DDX55: variants seen among roughly 807,000 people sequenced by gnomAD.
The protein encoded by DDX55 is ATP-dependent RNA helicase DDX55.
DDX55 carries 56 observed loss-of-function variants against 69.2 expected under a neutral mutation model. The observed-to-expected ratio is 0.81, with a 90% CI of 0.65 to 1.01. The LOEUF is 1.01. Among genes scored for constraint, DDX55 ranks in the 50% least tolerant of loss-of-function variants. The pLI, the probability that DDX55 is intolerant of heterozygous loss-of-function variation, is 0.00. For missense variants in DDX55, 720 were observed against 745.1 expected (o/e 0.97, Z 0.39); for synonymous variants, 268 against 273.1 (o/e 0.98, Z 0.18).
intron 11 of DDX55, chr12:123,618,360 C>T: frequency 3.0e-6 from 2 of 672,488 alleles, no homozygotes; most frequent in Non-Finnish European, 2.6e-6. Context: ...ATGGAGTGAC[C>T]AAGTCTCCTG....
intron 5 of DDX55, chr12:123,608,071 C>G (rs964009129): frequency 2.1e-5 from 5 of 239,096 alleles, no homozygotes; most frequent in Admixed American, 1.0e-4. Flanking sequence ...GATTTTTTAA[C>G]TGTTGGCGTG....
rs755500891 is a variant in DDX55, at chr12:123,602,118, A to C, written c.-31A>C. 1.3e-6 allele frequency: 2 copies of C among 1,530,426 alleles called. No individual in the cohort carries two copies. Among genetic ancestry groups the C allele is most frequent in the East Asian group, 2.5e-5 (1 of 40,428 alleles). 94.8% of individuals were successfully genotyped at this position (1,530,426 alleles called of 1,614,324 possible). On this transcript the variant is annotated 5_prime_UTR_variant, in exon 1 of 14. Coordinates refer to ENST00000238146, the MANE Select transcript of DDX55 (RefSeq NM_020936.3). ...GGGGGTGCACAAGGCGCGTTCGAGC[A>C]GCGGCGACCGACGCGGCGAAGGAGC...
intron 9 of DDX55, among the ~76,000 whole-genome samples, chr12:123,615,878 AG>A (rs1401074790): frequency 1.3e-5 from 2 of 152,324 alleles, no homozygotes; most frequent in African/African-American, 4.8e-5. Flanking sequence ...GCTACTCCAG[AG>A]GCTGAGGCAG....
At chr12:123,606,977 T>G (rs553301832) in intron 3 of DDX55, among the ~76,000 whole-genome samples, 1 of 152,318 alleles carries the variant, frequency 6.6e-6, no homozygotes, top group South Asian at 2.1e-4. Flanking sequence ...GGTTATGACG[T>G]GCAGAGAAAA....
In DDX55 at chr12:123,618,653, A is replaced by G. The variant is rs781577997; in HGVS notation, c.1165-16A>G. Reference sequence around the variant, plus strand: ...CAGCCAGGGAAGGTGAGAATGTGGTATGTGTGTGTGTGTAGTGCCCCCTGC... The same window carrying G: ...CAGCCAGGGAAGGTGAGAATGTGGTGTGTGTGTGTGTGTAGTGCCCCCTGC... On this transcript the variant is annotated splice_polypyrimidine_tract_variant and intron_variant, in intron 11 of 13. Transcript: ENST00000238146. 170 of 1,601,412 alleles carry G rather than the reference A, an allele frequency of 1.1e-4. 1 individual carries two copies. The highest frequency in any genetic ancestry group is 2.9e-4 in the East Asian group (13 of 44,620).
At position 123,610,029 on chromosome 12, in the gene DDX55, A is replaced by G; in HGVS notation, c.642A>G (p.Arg214=). Residue 214 remains arginine, a synonymous_variant, in exon 7 of 14, where the codon AGA becomes AGG. Coordinates refer to ENST00000238146, the MANE Select transcript of DDX55 (RefSeq NM_020936.3). ...TQTQEVENLV[R]AGLRNPVRVS... Reference sequence around the variant, plus strand: ...CGCAGGAAGTGGAGAACCTGGTGAGAGCGGGCCTCCGGAACCCTGTCCGGG... The same window carrying G: ...CGCAGGAAGTGGAGAACCTGGTGAGGGCGGGCCTCCGGAACCCTGTCCGGG... The G allele has an allele frequency of 6.2e-7, 1 of 1,614,130 alleles. No individual in the cohort carries two copies. The highest frequency in any genetic ancestry group is 8.5e-7 in the Non-Finnish European group (1 of 1,180,036).
intron 1 of DDX55, chr12:123,605,715 C>T (rs1306914339): frequency 8.9e-6 from 6 of 676,670 alleles, no homozygotes; most frequent in Non-Finnish European, 1.6e-5. Context: ...TTCAGGACTC[C>T]CACCTCCCAG....
At chr12:123,619,845 A>T in intron 13 of DDX55, 119 bp from the exon 14 acceptor site, 2 of 1,518,966 alleles carry the variant, frequency 1.3e-6, no homozygotes, top group Non-Finnish European at 1.8e-6. Flanking sequence ...AGGGTGGGGA[A>T]TTTGCTCTAT....
In DDX55 at chr12:123,616,603, G is replaced by A. The variant is rs372813534; in HGVS notation, c.1049G>A (p.Ser350Asn). The stretch of plus-strand genomic sequence containing the variant: ...CAGTATGACCCTCCCAGCAATGCAA[G>A]GTATGGTACGAGGCTGCCACCCACT... ...VLQYDPPSNA[S>N]AFVHRCGRTA... Residue 350 changes from serine to asparagine, a missense_variant and splice_region_variant, in exon 10 of 14, where the codon AGT becomes AAT. Coordinates refer to ENST00000238146, the MANE Select transcript of DDX55 (RefSeq NM_020936.3). 7 of 1,613,892 alleles carry A rather than the reference G, an allele frequency of 4.3e-6. No homozygotes were observed. The highest frequency in any genetic ancestry group is 5.9e-6 in the Non-Finnish European group (7 of 1,179,906).
rs371557116 is a variant in DDX55, at chr12:123,616,526, C to T, written c.972C>T (p.Cys324=). The T allele has an allele frequency of 4.2e-5, 68 of 1,613,946 alleles. No individual in the cohort carries two copies. In the Middle Eastern group the frequency reaches 1.3e-3, roughly 31 times the overall value. The part of the protein sequence containing the change: ...FRKLQSGILV[C]TDVMARGIDI... ...CATTTCCTAGTGGGATTTTAGTGTGCACTGATGTGATGGCCCGGGGAATTG... is the reference window on the plus strand; with the variant it reads ...CATTTCCTAGTGGGATTTTAGTGTGTACTGATGTGATGGCCCGGGGAATTG... Residue 324 remains cysteine (C), a synonymous_variant, in exon 10 of 14, where the codon TGC becomes TGT. Transcript: ENST00000238146.
At chr12:123,602,941 A>C (rs183819470) in intron 1 of DDX55, among the ~76,000 whole-genome samples, 14 of 152,320 alleles carry the variant, frequency 9.2e-5, no homozygotes, top group Non-Finnish European at 7.4e-5. Context: ...GTGATTGAGA[A>C]GGAGCTGGCT....
At chr12:123,610,984 T>C (rs1380244010) in intron 7 of DDX55, among the ~76,000 whole-genome samples, 1 of 149,272 alleles carries the variant, frequency 6.7e-6, no homozygotes, top group East Asian at 2.0e-4. Context: ...CACTGCAACC[T>C]CTGCCTCCTG....
Position 123,614,157 on chromosome 12 carries a change from G to A in DDX55, c.824+905G>A, listed in dbSNP as rs562956517. 1.6e-4 allele frequency among the ~76,000 whole-genome samples: 25 copies of A among 152,268 alleles called. No individual in the cohort carries two copies. The East Asian group carries it at 4.8e-3, about 29-fold the overall frequency. On this transcript the variant is annotated intron_variant, in intron 8 of 13. Coordinates refer to ENST00000238146, the MANE Select transcript of DDX55 (RefSeq NM_020936.3). ...GAAACTGCACCCTGCTAGGTGGGAT[G>A]TTTTCTATTCTGTTCTACTCCAGCT...
chr12:123,606,634 A>G (rs1673901732), intron 3 of DDX55, among the ~76,000 whole-genome samples: 6 of 145,512 alleles, frequency 4.1e-5, no homozygotes. Context: ...TCTGTCACCC[A>G]GGCTGGAGTG....
chr12:123,608,894 A>G, intron 6 of DDX55, 65 bp downstream of exon 6: 1 of 1,428,858 alleles, frequency 7.0e-7, no homozygotes, highest in Non-Finnish European at 9.4e-7. Flanking sequence ...GGGGAGCAAA[A>G]TGGAGTTTAC....
chr12:123,613,348 T>A, intron 8 of DDX55, 96 bp downstream of exon 8: 1 of 1,217,840 alleles, frequency 8.2e-7, no homozygotes, highest in Non-Finnish European at 1.2e-6. Flanking sequence ...CTAGCATGGT[T>A]CTCTCCGGAA....
chr12:123,605,024 T>A (rs2135687498), intron 1 of DDX55: 1 of 152,332 alleles, frequency 6.6e-6, no homozygotes, highest in Non-Finnish European at 1.5e-5. Flanking sequence ...ATTTTATTTA[T>A]TTATTTATTT....
chr12:123,605,035 A>ATTTT (rs1348461578), intron 1 of DDX55: 3 of 152,018 alleles, frequency 2.0e-5, no homozygotes, highest in South Asian at 2.1e-4. Flanking sequence ...TTATTTATTT[A>ATTTT]TTGAGGCAGG....
At position 123,608,827 on chromosome 12, in the gene DDX55, A is replaced by G; in HGVS notation, c.549A>G (p.Ala183=). The change falls in exon 6 of 14, where the codon GCA becomes GCG. Residue 183 remains alanine, a splice_region_variant and synonymous_variant. Coordinates refer to ENST00000238146, the MANE Select transcript of DDX55 (RefSeq NM_020936.3). The part of the protein sequence containing the change: ...ADRLLDMGFE[A]SINTILEFLP... ...GACTTCTGGACATGGGGTTTGAGGC[A>G]AGGTACTGGACTTTGGACTTCACTG... 6.2e-7 allele frequency: 1 copy of G among 1,613,390 alleles called. No homozygotes were observed. The highest frequency in any genetic ancestry group is 8.5e-7 in the Non-Finnish European group (1 of 1,179,554).
Sources: gnomAD v4.1 joint callset for allele counts (sites outside exome capture counted in the v4.1 genomes callset) on GRCh38, gnomAD v4.1.1 for gene constraint, MANE v1.5 for transcripts, NCBI Gene and HGNC (gene_info 2026-07-23, HGNC 2026-07-21) for gene names.